Variants in L3MBTL4 observed in about 807,000 individuals in gnomAD.
L3MBTL4 encodes the protein lethal(3)malignant brain tumor-like protein 4.
In L3MBTL4, 70 loss-of-function variants were observed where a neutral mutation model predicts 84.5. That is an observed-to-expected ratio of 0.83 (90% confidence interval 0.68 to 1.01). The LOEUF is 1.01. Among genes scored for constraint, L3MBTL4 ranks in the 50% least tolerant of loss-of-function variants. The pLI, the probability that L3MBTL4 is intolerant of heterozygous loss-of-function variation, is 0.00. For synonymous variants in L3MBTL4, 274 were observed against 259.8 expected, an observed-to-expected ratio of 1.05 and a Z score of -0.52; for missense variants, 715 against 754.8, an observed-to-expected ratio of 0.95 and a Z score of 0.62.
At chr18:6,016,214 G>A (rs1237990811) in intron 16 of L3MBTL4, among the ~76,000 whole-genome samples, 3 of 152,096 alleles carry the variant, frequency 2.0e-5, no homozygotes, top group African/African-American at 4.8e-5. Context: ...GGACTCTTCC[G>A]GGGGAGCAGC....
chr18:6,252,424 C>CCAA lies in L3MBTL4; in HGVS notation c.220-7837_220-7836insTTG, dbSNP rs1555703563. ...CATATGGTGTGTTTTCATTTTTTAT[C>CCAA]AAAAAAAACACAGCTATTTACATAA... On this transcript the variant is annotated intron_variant, in intron 5 of 18. Coordinates refer to ENST00000317931, the MANE Select transcript of L3MBTL4 (RefSeq NM_001330559.2). Among the ~76,000 whole-genome samples the CCAA allele has an allele frequency of 3.6e-3, 539 of 151,500 alleles. 1 individual carries two copies. Among genetic ancestry groups the CCAA allele is most frequent in the African/African-American group, 0.012 (505 of 41,284 alleles).
At chr18:6,171,742 T>C (rs2043980556) in intron 13 of L3MBTL4, 86 bp downstream of exon 13, 1 of 702,420 alleles carries the variant, frequency 1.4e-6, no homozygotes, top group Non-Finnish European at 2.3e-6. Context: ...AGCTTTCAAA[T>C]GCCTGTAATG....
chr18:6,011,404 C>G (rs2054730884), intron 16 of L3MBTL4, among the ~76,000 whole-genome samples: 1 of 152,152 alleles, frequency 6.6e-6, no homozygotes, highest in Non-Finnish European at 1.5e-5. Context: ...AGTTTCTGTA[C>G]ACAGATACCT....
At chr18:6,333,304 G>A (rs1220402864) in intron 1 of L3MBTL4, among the ~76,000 whole-genome samples, 1 of 152,176 alleles carries the variant, frequency 6.6e-6, no homozygotes, top group Non-Finnish European at 1.5e-5. Flanking sequence ...GCCAGGCGTG[G>A]TGGCTCATGC....
intron 4 of L3MBTL4, among the ~76,000 whole-genome samples, chr18:6,298,873 C>CA (rs544364202): frequency 1.3e-3 from 199 of 148,646 alleles, no homozygotes; most frequent in Middle Eastern, 6.8e-3. Flanking sequence ...AAATTCTGTC[C>CA]AAAAAAAAAC....
chr18:6,387,329 A>G (rs1463430966), intron 1 of L3MBTL4, among the ~76,000 whole-genome samples: 1 of 152,214 alleles, frequency 6.6e-6, no homozygotes, highest in South Asian at 2.1e-4. Flanking sequence ...CCATATGAGC[A>G]TTCAAGCCAC....
intron 5 of L3MBTL4, among the ~76,000 whole-genome samples, chr18:6,251,572 T>A (rs1349336254): frequency 6.6e-6 from 1 of 152,200 alleles, no homozygotes; most frequent in African/African-American, 2.4e-5. Context: ...GGCCACAGTG[T>A]AAGTGTATCT....
At chr18:6,158,552 T>C (rs572528484) in intron 13 of L3MBTL4, among the ~76,000 whole-genome samples, 2 of 152,330 alleles carry the variant, frequency 1.3e-5, no homozygotes, top group South Asian at 4.1e-4. Flanking sequence ...ATGTGCACAC[T>C]CCTCTCTTCT....
intron 3 of L3MBTL4, among the ~76,000 whole-genome samples, chr18:6,309,649 A>G (rs2050740760): frequency 6.6e-6 from 1 of 152,210 alleles, no homozygotes. Flanking sequence ...AATAATGGTA[A>G]ACACATCAGG....
chr18:6,323,004 G>A (rs183211525), intron 1 of L3MBTL4, among the ~76,000 whole-genome samples: 4 of 152,150 alleles, frequency 2.6e-5, no homozygotes, highest in East Asian at 1.9e-4. Context: ...CATGAGATAC[G>A]ATTGTTTAAA....
intron 13 of L3MBTL4, among the ~76,000 whole-genome samples, chr18:6,170,909 A>G (rs933843085): frequency 1.1e-4 from 16 of 152,140 alleles, no homozygotes; most frequent in Admixed American, 7.2e-4. Flanking sequence ...CTACACTCTT[A>G]GGGTACTGGT....
chr18:5,954,812 AAAAC>A lies in L3MBTL4; in HGVS notation c.*1404_*1407del, dbSNP rs531524391. On this transcript the variant is annotated 3_prime_UTR_variant, in exon 19 of 19. Transcript: ENST00000317931. ...TTGCACATGGCAGTCTACAAAAAGC[AAAAC>A]AAACAAAACTCCACAGAAACAAAAT... 2.3e-3 allele frequency: 301 copies of A among 130,080 alleles called. 1 individual carries two copies. Among genetic ancestry groups the A allele is most frequent in the African/African-American group, 7.5e-3 (281 of 37,256 alleles). The allele number at this position is 130,080 out of a possible 1,614,324, so 8.1% of individuals were successfully genotyped here.
At chr18:6,112,582 G>A (rs1052102154) in intron 14 of L3MBTL4, among the ~76,000 whole-genome samples, 13 of 152,224 alleles carry the variant, frequency 8.5e-5, no homozygotes, top group African/African-American at 2.4e-4. Flanking sequence ...CTGGATAAGC[G>A]CAGGATGTCC....
At chr18:6,038,427 T>C (rs943684250) in intron 16 of L3MBTL4, among the ~76,000 whole-genome samples, 2 of 152,032 alleles carry the variant, frequency 1.3e-5, no homozygotes, top group Non-Finnish European at 2.9e-5. Flanking sequence ...TTAACTTTTT[T>C]GTATTTTTAG....
intron 16 of L3MBTL4, among the ~76,000 whole-genome samples, chr18:6,008,617 A>G (rs986007251): frequency 2.6e-5 from 4 of 152,154 alleles, no homozygotes; most frequent in African/African-American, 7.2e-5. Context: ...CTTCACCCTC[A>G]TGGCCACATC....
intron 14 of L3MBTL4, among the ~76,000 whole-genome samples, chr18:6,119,306 GAAAA>G (rs2059455626): frequency 6.6e-6 from 1 of 152,130 alleles, no homozygotes; most frequent in Non-Finnish European, 1.5e-5. Flanking sequence ...AAGGAACCAT[GAAAA>G]TGCAAACAGC....
At chr18:5,961,821 T>C (rs1013956174) in intron 17 of L3MBTL4, among the ~76,000 whole-genome samples, 4 of 152,184 alleles carry the variant, frequency 2.6e-5, no homozygotes, top group African/African-American at 9.7e-5. Context: ...GAGCACGTGC[T>C]CAGTATTTGC....
chr18:6,084,997 C>T lies in L3MBTL4; in HGVS notation c.1374-4046G>A, dbSNP rs140440851. 5.2e-3 allele frequency among the ~76,000 whole-genome samples: 795 copies of T among 152,222 alleles called. 3 individuals are homozygous for T. Among genetic ancestry groups the T allele is most frequent in the African/African-American group, 9.8e-3 (406 of 41,534 alleles). On this transcript the variant is annotated intron_variant, in intron 15 of 18. Coordinates refer to ENST00000317931, the MANE Select transcript of L3MBTL4 (RefSeq NM_001330559.2). ...CCTGCACAAGCTTTCTATGTTCCCA[C>T]GCATGTGTGTAGGTTTGGATATGCG... is the stretch of plus-strand genomic sequence containing the variant.
At chr18:6,034,903 G>A (rs1480592800) in intron 16 of L3MBTL4, among the ~76,000 whole-genome samples, 2 of 150,072 alleles carry the variant, frequency 1.3e-5, no homozygotes, top group Non-Finnish European at 3.0e-5. Flanking sequence ...GGCCAGTGAT[G>A]ATGAGCATTT....
Sources: allele counts gnomAD v4.1 joint callset (sites outside exome capture counted in the v4.1 genomes callset), GRCh38; gene constraint gnomAD v4.1.1; transcripts MANE v1.5; gene names NCBI Gene and HGNC (gene_info 2026-07-23, HGNC 2026-07-21).